Variants in CPAMD8 observed in about 807,000 individuals in gnomAD.
CPAMD8 encodes the protein C3 and PZP-like alpha-2-macroglobulin domain-containing protein 8.
CPAMD8 carries 146 observed loss-of-function variants against 224.7 expected under a neutral mutation model. The observed-to-expected ratio is 0.65, with a 90% confidence interval of 0.57 to 0.75. The LOEUF (loss-of-function observed/expected upper bound fraction) is 0.75, where lower values mean the gene tolerates loss of function less well. Ranked by LOEUF, CPAMD8 falls within the 30% of genes least tolerant of loss-of-function variation. The pLI is 0.00. For synonymous variants in CPAMD8, 966 were observed against 1,044.6 expected, an observed-to-expected ratio of 0.92 and a Z score of 1.45; for missense variants, 2,301 against 2,537.5, an observed-to-expected ratio of 0.91 and a Z score of 2.00.
intron 20 of CPAMD8, among the ~76,000 whole-genome samples, chr19:16,949,209 C>A (rs1057422972): frequency 4.6e-5 from 7 of 152,052 alleles, no homozygotes; most frequent in Admixed American, 3.9e-4. Flanking sequence ...GATGGTCATA[C>A]AAGCTGGGGT....
chr19:16,904,176 A>AGCCCCCCCCCCCCCCCC, intron 32 of CPAMD8, 50 bp downstream of exon 32: 3 of 937,336 alleles, frequency 3.2e-6, no homozygotes, highest in Non-Finnish European at 3.3e-6. Context: ...GACTGCAGGG[A>AGCCCCCCCCCCCCCCCC]CCCCACCCAC....
At chr19:16,936,639 T>G (rs1394679770) in intron 23 of CPAMD8, among the ~76,000 whole-genome samples, 1 of 152,124 alleles carries the variant, frequency 6.6e-6, no homozygotes, top group African/African-American at 2.4e-5. Context: ...ACTCTTGACC[T>G]CAAGTGATCC....
In CPAMD8 at chr19:16,967,172, C is replaced by T. The variant is rs182482438; in HGVS notation, c.2213+3719G>A. Among the ~76,000 whole-genome samples, 192 of 152,008 alleles carry T rather than the reference C, an allele frequency of 1.3e-3. 5 individuals carry two copies. The East Asian group carries it at 0.023, about 18-fold the overall frequency. On this transcript the variant is annotated intron_variant, in intron 18 of 41. Coordinates refer to ENST00000443236, the MANE Select transcript of CPAMD8 (RefSeq NM_015692.5). The stretch of plus-strand genomic sequence containing the variant: ...TACTATGCAGCCATAAAAAAGGATG[C>T]GTTCATGTCCTTTGCAGGGACATGG...
chr19:16,897,654 G>T, intron 39 of CPAMD8, 37 bp downstream of exon 39: 2 of 1,241,200 alleles, frequency 1.6e-6, no homozygotes, highest in Non-Finnish European at 2.2e-6. Context: ...GGTGTGGCAG[G>T]CCGCGGTGGG....
In CPAMD8 at chr19:16,914,475, C is replaced by G; in HGVS notation, c.3810G>C (p.Pro1270=). 2 of 1,614,146 alleles carry G rather than the reference C, an allele frequency of 1.2e-6. No homozygotes were observed. The highest frequency in any genetic ancestry group is 2.2e-5 in the East Asian group (1 of 44,876). ...DIQGGIHGTV[P]LTAYVVVALL... is the part of the protein sequence containing the mutation. ...GAGCAACCACCACGTAGGCTGTCAG[C>G]GGGACAGTGCCGTGGATCCCACCCT... Residue 1270 remains proline (P), a synonymous_variant, in exon 29 of 42, where the codon CCG becomes CCC. Coordinates refer to ENST00000443236, the MANE Select transcript of CPAMD8 (RefSeq NM_015692.5).
At chr19:16,946,846 C>T (rs867624769) in intron 21 of CPAMD8, among the ~76,000 whole-genome samples, 1 of 152,154 alleles carries the variant, frequency 6.6e-6, no homozygotes. Context: ...TGGGTTGGCA[C>T]CTTAAGAGCC....
Position 16,899,095 on chromosome 19 carries a change from G to GT in CPAMD8, c.4848+379dup, listed in dbSNP as rs1329475564. ...GCCATCACACCTGGCTAATTTTTGT[G>GT]TTTTTTGTAGAGACAGGGTTCTGTC... On this transcript the variant is annotated intron_variant, in intron 37 of 41. Transcript: ENST00000443236. The surrounding 1 kb of genome is among the most constrained non-coding windows in gnomAD (Gnocchi z 5.4). Among the ~76,000 whole-genome samples, 3 of 151,974 alleles carry GT rather than the reference G, an allele frequency of 2.0e-5. No individual in the cohort carries two copies. The highest frequency in any genetic ancestry group is 2.9e-5 in the Non-Finnish European group (2 of 67,964).
At chr19:16,942,055 C>T (rs2053913741) in intron 22 of CPAMD8, among the ~76,000 whole-genome samples, 1 of 152,138 alleles carries the variant, frequency 6.6e-6, no homozygotes, top group Non-Finnish European at 1.5e-5. Context: ...GTAAGACACG[C>T]CTGCTTCTCC....
intron 10 of CPAMD8, among the ~76,000 whole-genome samples, chr19:16,998,326 G>A (rs1300876697): frequency 6.6e-6 from 1 of 152,154 alleles, no homozygotes; most frequent in Non-Finnish European, 1.5e-5. Flanking sequence ...CCAACACGGT[G>A]GCACATGCCT....
chr19:16,993,647 G>T, intron 11 of CPAMD8, 61 bp from the exon 12 acceptor site: 1 of 1,490,010 alleles, frequency 6.7e-7, no homozygotes, highest in Non-Finnish European at 9.2e-7. Flanking sequence ...AAACTGATCT[G>T]CAGAATCAAC....
At chr19:16,961,484 G>A (rs2054655058) in intron 18 of CPAMD8, among the ~76,000 whole-genome samples, 1 of 152,252 alleles carries the variant, frequency 6.6e-6, no homozygotes, top group Non-Finnish European at 1.5e-5. Flanking sequence ...CATTGCTGAG[G>A]CTGGAGTAAG....
At chr19:17,009,038 G>C (rs957995825) in intron 6 of CPAMD8, among the ~76,000 whole-genome samples, 1 of 151,940 alleles carries the variant, frequency 6.6e-6, no homozygotes, top group Non-Finnish European at 1.5e-5. Flanking sequence ...AGAGGTTGCA[G>C]TGAGCCAAGA....
intron 3 of CPAMD8, among the ~76,000 whole-genome samples, chr19:17,012,334 CT>C (rs955775740): frequency 1.1e-4 from 16 of 139,908 alleles, no homozygotes; most frequent in African/African-American, 4.2e-4. Context: ...TTTTTTCTTT[CT>C]TTCTTTCTTT....
At chr19:16,930,230 C>T (rs373795725) in intron 23 of CPAMD8, among the ~76,000 whole-genome samples, 10 of 149,558 alleles carry the variant, frequency 6.7e-5, no homozygotes, top group South Asian at 4.2e-4. Context: ...ACTCCAGCAT[C>T]GGCGACAAGA....
intron 22 of CPAMD8, among the ~76,000 whole-genome samples, chr19:16,940,612 T>C (rs1014332948): frequency 1.3e-5 from 2 of 152,220 alleles, no homozygotes; most frequent in Non-Finnish European, 2.9e-5. Context: ...CTTGAAATTG[T>C]CATGTGTCTA....
At chr19:16,963,215 G>A (rs2122537306) in intron 18 of CPAMD8, among the ~76,000 whole-genome samples, 1 of 152,242 alleles carries the variant, frequency 6.6e-6, no homozygotes, top group Admixed American at 6.5e-5. Flanking sequence ...ATGTAAATGG[G>A]CTAAATGCCC....
chr19:16,906,390 CT>C (rs1400772091), intron 30 of CPAMD8, among the ~76,000 whole-genome samples: 24 of 78,584 alleles, frequency 3.1e-4, no homozygotes, highest in South Asian at 5.2e-4. Flanking sequence ...TTCTTTCTTT[CT>C]TTCTTTCTTT....
At chr19:17,015,639 A>C (rs1277932720) in intron 3 of CPAMD8, among the ~76,000 whole-genome samples, 1 of 152,100 alleles carries the variant, frequency 6.6e-6, no homozygotes, top group African/African-American at 2.4e-5. Context: ...CCAAAGCAAT[A>C]AACCTCACCC....
chr19:17,013,013 T>C (rs572702040), intron 3 of CPAMD8, among the ~76,000 whole-genome samples: 6 of 151,288 alleles, frequency 4.0e-5, no homozygotes, highest in Non-Finnish European at 7.4e-5. Flanking sequence ...CAAAACCCCA[T>C]CTCTACTAAG....
Sources: allele counts gnomAD v4.1 joint callset (sites outside exome capture counted in the v4.1 genomes callset), GRCh38; gene constraint gnomAD v4.1.1; non-coding constraint Gnocchi (gnomAD v3.1); transcripts MANE v1.5; gene names NCBI Gene and HGNC (gene_info 2026-07-23, HGNC 2026-07-21).